Variants in GPC6 observed in about 807,000 individuals in gnomAD.
The protein encoded by GPC6 is glypican 6.
Under a neutral mutation model 55.2 loss-of-function variants are expected in GPC6, and 14 were observed. That is an observed-to-expected ratio of 0.25 (90% CI 0.17 to 0.40). The LOEUF (loss-of-function observed/expected upper bound fraction) is 0.40, where lower values mean the gene tolerates loss of function less well. Ranked by LOEUF, GPC6 falls within the 10% of genes least tolerant of loss-of-function variation. The pLI is 1.00. For synonymous variants in GPC6, 278 were observed against 259.6 expected, an observed-to-expected ratio of 1.07 and a Z score of -0.68; for missense variants, 641 against 708.5, an observed-to-expected ratio of 0.90 and a Z score of 1.08.
chr13:94,181,651 T>G (rs1889002580), intron 4 of GPC6, among the ~76,000 whole-genome samples: 2 of 152,234 alleles, frequency 1.3e-5, no homozygotes, highest in African/African-American at 4.8e-5. Flanking sequence ...CTGAACTCCC[T>G]GACCACACAA....
intron 1 of GPC6, among the ~76,000 whole-genome samples, chr13:93,348,794 A>G (rs9589714): frequency 6.6e-6 from 1 of 152,210 alleles, no homozygotes; most frequent in Non-Finnish European, 1.5e-5. Context: ...AAGAAAGCCC[A>G]TACAAATTTA....
In GPC6 at chr13:94,194,797, T is replaced by C. The variant is rs567274104; in HGVS notation, c.878-91552T>C. On this transcript the variant is annotated intron_variant, in intron 4 of 8. Coordinates refer to ENST00000377047, the MANE Select transcript of GPC6 (RefSeq NM_005708.5). ...AAAAAAGAATACTTTAACTGAACCA[T>C]TGAGGACCAGAGATGCTTGTAGTTC... Among the ~76,000 whole-genome samples the C allele has an allele frequency of 5.3e-5, 8 of 152,256 alleles. No individual in the cohort carries two copies. The East Asian group carries it at 9.7e-4, about 18-fold the overall frequency.
chr13:93,512,235 A>C (rs1377996927), intron 1 of GPC6, among the ~76,000 whole-genome samples: 2 of 152,052 alleles, frequency 1.3e-5, no homozygotes, highest in Non-Finnish European at 2.9e-5. Context: ...AGTGAAAGTG[A>C]GCATCCTTGA....
rs565739973 is a variant in GPC6 at position 93,455,493 on chromosome 13, A to G, written c.161-89770A>G. 7.9e-5 allele frequency among the ~76,000 whole-genome samples: 12 copies of G among 152,082 alleles called. No homozygotes were observed. The South Asian group carries it at 2.3e-3, about 29-fold the overall frequency. ...TCCATGTCACCTGCCTGTCTCCCCA[A>G]GAGAAAAGTAATATATGGAAAAGAA... On this transcript the variant is annotated intron_variant, in intron 1 of 8. Transcript: ENST00000377047.
At chr13:94,283,806 A>G (rs78073173) in intron 4 of GPC6, among the ~76,000 whole-genome samples, 1,779 of 152,308 alleles carry the variant, frequency 0.012, 17 homozygotes, top group Non-Finnish European at 0.019. Flanking sequence ...GGCAAGAGAA[A>G]ACAGCTCCAA....
chr13:94,095,106 A>C (rs1566397996), intron 4 of GPC6, among the ~76,000 whole-genome samples: 1 of 152,180 alleles, frequency 6.6e-6, no homozygotes, highest in South Asian at 2.1e-4. Context: ...AAATATGTCT[A>C]TAGATTAAGA....
rs1408181357 is a variant in GPC6 at position 94,407,825 on chromosome 13, C to G, written c.*4608C>G. Among the ~76,000 whole-genome samples the G allele has an allele frequency of 6.6e-6, 1 of 152,120 alleles. No homozygotes were observed. Among genetic ancestry groups the G allele is most frequent in the Non-Finnish European group, 1.5e-5 (1 of 68,006 alleles). Reference sequence around the variant, plus strand: ...CTCAGGCATGCTAAATATTGTATAACCTGCTAAAGATTTATTTCACAAATG... The same window carrying G: ...CTCAGGCATGCTAAATATTGTATAAGCTGCTAAAGATTTATTTCACAAATG... On this transcript the variant is annotated 3_prime_UTR_variant, in exon 9 of 9. Transcript: ENST00000377047.
chr13:93,224,626 C>T (rs1179927385), upstream of GPC6, among the ~76,000 whole-genome samples: 1 of 152,210 alleles, frequency 6.6e-6, no homozygotes, highest in East Asian at 1.9e-4. Flanking sequence ...CTCCATATGA[C>T]CTCTCTCCTG....
At chr13:93,939,551 T>A (rs1040758859) in intron 3 of GPC6, among the ~76,000 whole-genome samples, 1 of 152,110 alleles carries the variant, frequency 6.6e-6, no homozygotes, top group Non-Finnish European at 1.5e-5. Context: ...GAGTTACGTT[T>A]TTTTTCAATT....
chr13:93,721,995 T>G (rs1474692512), intron 2 of GPC6, among the ~76,000 whole-genome samples: 1 of 151,840 alleles, frequency 6.6e-6, no homozygotes, highest in African/African-American at 2.4e-5. Context: ...GATAATCCTC[T>G]AAGCCTTACT....
At position 93,370,270 on chromosome 13, in the gene GPC6, G is replaced by T. The variant is rs556632462; in HGVS notation, c.160+142654G>T. 3.3e-5 allele frequency among the ~76,000 whole-genome samples: 5 copies of T among 152,186 alleles called. 1 individual carries two copies. Among genetic ancestry groups the T allele is most frequent in the African/African-American group, 1.2e-4 (5 of 41,544 alleles). On this transcript the variant is annotated intron_variant, in intron 1 of 8. Coordinates refer to ENST00000377047, the MANE Select transcript of GPC6 (RefSeq NM_005708.5). ...GAAATGTTAAAAATTCATGCAAACA[G>T]AGGTCCCCTGATAAAGAAATAGAGC...
chr13:94,277,442 C>T (rs966608822), intron 4 of GPC6, among the ~76,000 whole-genome samples: 1 of 152,020 alleles, frequency 6.6e-6, no homozygotes, highest in Non-Finnish European at 1.5e-5. Context: ...TAATTAGATC[C>T]CATTTGTAAA....
At chr13:93,789,523 A>C (rs1411310039) in intron 2 of GPC6, among the ~76,000 whole-genome samples, 10 of 138,294 alleles carry the variant, frequency 7.2e-5, no homozygotes, top group South Asian at 2.3e-4. Context: ...ATATATATAT[A>C]TATATATATA....
chr13:93,707,719 AT>A (rs1021015786), intron 2 of GPC6, among the ~76,000 whole-genome samples: 6 of 151,760 alleles, frequency 4.0e-5, no homozygotes, highest in African/African-American at 9.7e-5. Flanking sequence ...TTCTTGTGAT[AT>A]TTTTAGATTC....
chr13:93,732,279 G>T (rs1883852316), intron 2 of GPC6, among the ~76,000 whole-genome samples: 1 of 152,086 alleles, frequency 6.6e-6, no homozygotes, highest in South Asian at 2.1e-4. Flanking sequence ...GACATTTTGT[G>T]CATCAGCAAG....
intron 2 of GPC6, among the ~76,000 whole-genome samples, chr13:93,624,407 C>T (rs1434259421): frequency 6.6e-6 from 1 of 152,202 alleles, no homozygotes; most frequent in Non-Finnish European, 1.5e-5. Context: ...ATTTTCATTT[C>T]AAAAGCAGGG....
At chr13:93,427,693 C>A (rs1039762976) in intron 1 of GPC6, among the ~76,000 whole-genome samples, 3 of 152,110 alleles carry the variant, frequency 2.0e-5, no homozygotes, top group South Asian at 2.1e-4. Context: ...GCTTAGGGAG[C>A]CTTCAACCTT....
At chr13:93,484,372 T>G (rs1472794941) in intron 1 of GPC6, among the ~76,000 whole-genome samples, 1 of 152,188 alleles carries the variant, frequency 6.6e-6, no homozygotes, top group Non-Finnish European at 1.5e-5. Context: ...TTATGCAAAT[T>G]GTCTCACTGG....
At chr13:94,079,686 A>G (rs1250172978) in intron 4 of GPC6, among the ~76,000 whole-genome samples, 1 of 152,206 alleles carries the variant, frequency 6.6e-6, no homozygotes, top group Non-Finnish European at 1.5e-5. Context: ...TACATTTCAA[A>G]AATTGTGAAT....
Sources: allele counts gnomAD v4.1 joint callset (sites outside exome capture counted in the v4.1 genomes callset), GRCh38; gene constraint gnomAD v4.1.1; transcripts MANE v1.5; gene names NCBI Gene and HGNC (gene_info 2026-07-23, HGNC 2026-07-21).